The following HS3ST5 variants were observed in gnomAD, a reference collection of about 807,000 sequenced individuals.
HS3ST5 encodes the protein heparan sulfate glucosamine 3-O-sulfotransferase 5.
In HS3ST5, 10 loss-of-function variants were observed where a neutral mutation model predicts 25.4. That is an observed-to-expected ratio of 0.39 (90% confidence interval 0.24 to 0.67). The LOEUF is 0.67. HS3ST5 is among the 30% of genes least tolerant of loss of function. The pLI, the probability that HS3ST5 is intolerant of heterozygous loss-of-function variation, is 0.44. For synonymous variants in HS3ST5, 170 were observed against 162.4 expected (o/e 1.05, Z -0.36); for missense variants, 324 against 420.7 (o/e 0.77, Z 2.01).
chr6:114,152,356 G>A (rs1464258913), intron 3 of HS3ST5, among the ~76,000 whole-genome samples: 1 of 151,990 alleles, frequency 6.6e-6, no homozygotes, highest in Non-Finnish European at 1.5e-5. Flanking sequence ...CATCTATGCT[G>A]CACATACCAC....
At chr6:114,211,664 T>C (rs2114435499) in intron 2 of HS3ST5, among the ~76,000 whole-genome samples, 1 of 152,278 alleles carries the variant, frequency 6.6e-6, no homozygotes, top group South Asian at 2.1e-4. Flanking sequence ...CAGGGAAAAA[T>C]GTATTAAAAC....
intron 2 of HS3ST5, among the ~76,000 whole-genome samples, chr6:114,199,441 G>GT (rs1398212853): frequency 4.6e-5 from 7 of 152,056 alleles, no homozygotes; most frequent in African/African-American, 1.7e-4. Flanking sequence ...GCCCAAATAA[G>GT]TTTGAGAAAT....
chr6:114,287,368 C>T lies in HS3ST5; in HGVS notation c.-339+54827G>A, dbSNP rs181634801. ...TAGTAGCTTGCTTAGGGTCAAGGAT[C>T]ACATCTCCAGTAAGTGGAAAAACTG... On this transcript the variant is annotated intron_variant, in intron 1 of 4. Transcript: ENST00000312719. Among the ~76,000 whole-genome samples the T allele has an allele frequency of 5.3e-5, 8 of 152,030 alleles. No individual in the cohort carries two copies. The East Asian group carries it at 1.6e-3, about 29-fold the overall frequency.
intron 3 of HS3ST5, among the ~76,000 whole-genome samples, chr6:114,127,578 T>C (rs1777104082): frequency 6.6e-6 from 1 of 152,100 alleles, no homozygotes; most frequent in Non-Finnish European, 1.5e-5. Context: ...CTAGCAGAGT[T>C]TGAGAACTAT....
chr6:114,341,208 AT>A (rs1414895613), intron 1 of HS3ST5, among the ~76,000 whole-genome samples: 2 of 55,618 alleles, frequency 3.6e-5, no homozygotes, highest in African/African-American at 2.0e-4. Flanking sequence ...GGGAGAGGGA[AT>A]AGGGAGAGAG....
At chr6:114,162,208 A>G (rs1162827648) in intron 3 of HS3ST5, among the ~76,000 whole-genome samples, 4 of 152,178 alleles carry the variant, frequency 2.6e-5, no homozygotes, top group Non-Finnish European at 5.9e-5. Context: ...TAAAAGCAAC[A>G]TCTTCCTTGG....
chr6:114,188,093 G>C (rs982460970), intron 2 of HS3ST5, among the ~76,000 whole-genome samples: 1 of 152,138 alleles, frequency 6.6e-6, no homozygotes, highest in Non-Finnish European at 1.5e-5. Context: ...TTATCATGGT[G>C]GTCTGCAACA....
At chr6:114,247,135 G>A (rs1772416496) in intron 1 of HS3ST5, among the ~76,000 whole-genome samples, 1 of 152,118 alleles carries the variant, frequency 6.6e-6, no homozygotes, top group Non-Finnish European at 1.5e-5. Flanking sequence ...CTCAACTGTG[G>A]GTTATTGTTT....
chr6:114,172,173 A>T (rs1329049170), intron 2 of HS3ST5, among the ~76,000 whole-genome samples: 1 of 152,194 alleles, frequency 6.6e-6, no homozygotes, highest in East Asian at 1.9e-4. Flanking sequence ...AGTTGTGCAG[A>T]ATATTTCTTT....
At chr6:114,070,648 T>C (rs1406077635) in intron 3 of HS3ST5, among the ~76,000 whole-genome samples, 2 of 152,172 alleles carry the variant, frequency 1.3e-5, no homozygotes, top group African/African-American at 2.4e-5. Context: ...TGCCCTCTCA[T>C]TATCACCCAA....
At position 114,342,571 on chromosome 6, in the gene HS3ST5, C is replaced by G. The variant is rs1776932577; in HGVS notation, c.-715G>C. 6.5e-6 allele frequency: 1 copy of G among 154,336 alleles called. No individual in the cohort carries two copies. The allele number at this position is 154,336 out of a possible 1,614,324, so 9.6% of individuals were successfully genotyped here. On this transcript the variant is annotated 5_prime_UTR_variant, in exon 1 of 5. Transcript: ENST00000312719. ...TGCGGCAGGGCGCGCTCCCGTGGCG[C>G]GGGCACGGCACGGGCGGCCGCAGGA...
chr6:114,202,752 G>C (rs889165568), intron 2 of HS3ST5, among the ~76,000 whole-genome samples: 8 of 152,076 alleles, frequency 5.3e-5, no homozygotes, highest in African/African-American at 1.9e-4. Context: ...GAGCTCTATT[G>C]TTCTATAAAT....
chr6:114,333,657 T>G (rs1235538325), intron 1 of HS3ST5, among the ~76,000 whole-genome samples: 1 of 152,084 alleles, frequency 6.6e-6, no homozygotes, highest in Non-Finnish European at 1.5e-5. Context: ...TTTTAAAATT[T>G]TTTTTTGATA....
rs1008073081 is a variant in HS3ST5, at chr6:114,276,836, C to T, written c.-338-48058G>A. Among the ~76,000 whole-genome samples, 58 of 151,918 alleles carry T rather than the reference C, an allele frequency of 3.8e-4. 2 individuals are homozygous for T. Among genetic ancestry groups the T allele is most frequent in the Non-Finnish European group, 2.9e-5 (2 of 67,942 alleles). Reference sequence around the variant, plus strand: ...CTTTTTTCCTACTTGATCCACATAACCTACCTTGCATAAAATATTTGCTCT... The same window carrying T: ...CTTTTTTCCTACTTGATCCACATAATCTACCTTGCATAAAATATTTGCTCT... On this transcript the variant is annotated intron_variant, in intron 1 of 4. Coordinates refer to ENST00000312719, the MANE Select transcript of HS3ST5 (RefSeq NM_153612.4).
intron 2 of HS3ST5, among the ~76,000 whole-genome samples, chr6:114,223,089 A>AT (rs955512422): frequency 7.2e-4 from 107 of 149,016 alleles, no homozygotes; most frequent in South Asian, 2.3e-3. Flanking sequence ...GTTCGATTTA[A>AT]TTTTTTTTTT....
At chr6:114,239,456 T>G (rs72954568) in intron 1 of HS3ST5, among the ~76,000 whole-genome samples, 6,979 of 152,250 alleles carry the variant, frequency 0.046, 181 homozygotes, top group Middle Eastern at 0.075. Flanking sequence ...GAAATTGTGA[T>G]GGGGTTTCCT....
chr6:114,199,561 AACT>A (rs1318204709), intron 2 of HS3ST5, among the ~76,000 whole-genome samples: 9 of 142,942 alleles, frequency 6.3e-5, no homozygotes, highest in African/African-American at 2.4e-4. Context: ...AACCAGAGTT[AACT>A]ATTGTAAGGA....
chr6:114,198,569 T>G (rs1213377412), intron 2 of HS3ST5, among the ~76,000 whole-genome samples: 1 of 152,182 alleles, frequency 6.6e-6, no homozygotes, highest in Non-Finnish European at 1.5e-5. Context: ...TAGCACCTTC[T>G]GTTCTACACA....
At chr6:114,282,492 T>A (rs1199210045) in intron 1 of HS3ST5, among the ~76,000 whole-genome samples, 1 of 151,962 alleles carries the variant, frequency 6.6e-6, no homozygotes, top group Non-Finnish European at 1.5e-5. Context: ...CATGTCCAAT[T>A]TTCTCGGTCT....
Sources: allele counts gnomAD v4.1 joint callset (sites outside exome capture counted in the v4.1 genomes callset), GRCh38; gene constraint gnomAD v4.1.1; transcripts MANE v1.5; gene names NCBI Gene and HGNC (gene_info 2026-07-23, HGNC 2026-07-21).